WDPCP: variants seen among roughly 807,000 people sequenced by gnomAD.
WDPCP encodes the protein WD repeat containing planar cell polarity effector, also known as WD repeat-containing and planar cell polarity effector protein fritz homolog.
A neutral mutation model predicts 93.1 loss-of-function variants in WDPCP; 71 were observed. The observed-to-expected ratio is 0.76, with a 90% CI of 0.63 to 0.93. The LOEUF (loss-of-function observed/expected upper bound fraction) is 0.93, where lower values mean the gene tolerates loss of function less well. Ranked by LOEUF, WDPCP falls within the 40% of genes least tolerant of loss-of-function variation. The pLI is 0.00. For synonymous variants in WDPCP, 315 were observed against 315.0 expected, an observed-to-expected ratio of 1.00 and a Z score of 0.00; for missense variants, 844 against 887.4, an observed-to-expected ratio of 0.95 and a Z score of 0.62.
intron 1 of WDPCP, among the ~76,000 whole-genome samples, chr2:63,526,809 T>G (rs1396047706): frequency 6.6e-6 from 1 of 152,216 alleles, no homozygotes; most frequent in African/African-American, 2.4e-5. Context: ...TGGTTTTAAC[T>G]TTATTGAGCT....
At chr2:63,644,564 G>A (rs1710026394) in intron 3 of WDPCP, among the ~76,000 whole-genome samples, 1 of 152,094 alleles carries the variant, frequency 6.6e-6, no homozygotes, top group Admixed American at 6.6e-5. Flanking sequence ...TATTTTTTAG[G>A]ATAGTTTTAG....
intron 6 of WDPCP, among the ~76,000 whole-genome samples, chr2:63,454,526 TA>T (rs151241690): frequency 6.6e-6 from 1 of 151,426 alleles, no homozygotes; most frequent in Non-Finnish European, 1.5e-5. Flanking sequence ...AATAAAAAAA[TA>T]AAAAAATAAA....
At chr2:63,133,293 A>G (rs1670407040) in intron 17 of WDPCP, among the ~76,000 whole-genome samples, 1 of 152,144 alleles carries the variant, frequency 6.6e-6, no homozygotes, top group Non-Finnish European at 1.5e-5. Flanking sequence ...AGCCATGACT[A>G]CTGCTTCTCC....
intron 2 of WDPCP, among the ~76,000 whole-genome samples, chr2:63,758,090 G>C (rs1669995507): frequency 6.7e-6 from 1 of 148,738 alleles, no homozygotes; most frequent in Admixed American, 6.7e-5. Flanking sequence ...ATAAAGTGTT[G>C]TTGGTTTTTT....
intron 1 of WDPCP, among the ~76,000 whole-genome samples, chr2:63,515,907 C>A (rs1443438617): frequency 6.6e-6 from 1 of 151,850 alleles, no homozygotes; most frequent in Non-Finnish European, 1.5e-5. Context: ...GTAATCCCAG[C>A]TACTTGGGAG....
chr2:63,588,230 G>C lies in WDPCP; in HGVS notation c.42C>G (p.Ala14=). The change falls in exon 1 of 18, where the codon GCC becomes GCG. Residue 14 remains alanine, a synonymous_variant. Coordinates refer to ENST00000272321, the MANE Select transcript of WDPCP (RefSeq NM_015910.7). ...EFCWDAYSKA[A]GSRASSPLPR... ...GGAGTGGGGAAGAAGCGCGACTCCCGGCCGCTTTGGAGTAGGCGTCCCAGC... is the reference window on the plus strand; with the variant it reads ...GGAGTGGGGAAGAAGCGCGACTCCCCGCCGCTTTGGAGTAGGCGTCCCAGC... 6.3e-7 allele frequency: 1 copy of C among 1,576,802 alleles called. No individual in the cohort carries two copies. The highest frequency in any genetic ancestry group is 8.6e-7 in the Non-Finnish European group (1 of 1,158,792).
At chr2:63,507,637 G>A (rs977992398) in intron 1 of WDPCP, among the ~76,000 whole-genome samples, 3 of 152,054 alleles carry the variant, frequency 2.0e-5, no homozygotes, top group South Asian at 2.1e-4. Context: ...AAACTCCACC[G>A]AGCTAAAGGG....
intron 1 of WDPCP, among the ~76,000 whole-genome samples, chr2:63,568,630 T>C (rs1324464281): frequency 6.6e-6 from 1 of 152,246 alleles, no homozygotes. Flanking sequence ...CCTACTGCTG[T>C]GTCCAGTTTC....
rs1249029639 is a variant in WDPCP, at chr2:63,599,152, GC to G, written n.488+51506del. 4.3e-6 allele frequency: 7 copies of G among 1,611,884 alleles called. No individual in the cohort carries two copies. The Middle Eastern group carries it at 4.9e-4, about 114-fold the overall frequency. On this transcript the variant is annotated intron_variant and non_coding_transcript_variant, in intron 3 of 4. Transcript: ENST00000467687. ...ACTATATAGTCTGTAACTCTTCAGT[GC>G]CTTCCATTCCTCCTAGGTTATTGTT...
intron 1 of WDPCP, among the ~76,000 whole-genome samples, chr2:63,541,168 T>C (rs113718254): frequency 3.3e-5 from 5 of 152,144 alleles, no homozygotes; most frequent in Non-Finnish European, 7.4e-5. Context: ...AGATAGGTTT[T>C]TGCCGTGTTG....
chr2:63,677,493 A>G (rs760142068), intron 2 of WDPCP, among the ~76,000 whole-genome samples: 1 of 152,160 alleles, frequency 6.6e-6, no homozygotes, highest in Admixed American at 6.5e-5. Context: ...AAAAAGTACA[A>G]AGAAAACCAT....
At chr2:63,260,750 A>C (rs919829727) in intron 13 of WDPCP, among the ~76,000 whole-genome samples, 2 of 152,160 alleles carry the variant, frequency 1.3e-5, no homozygotes, top group East Asian at 3.9e-4. Flanking sequence ...GGGTTTCACC[A>C]TGATGATCAG....
chr2:63,607,530 G>A (rs889064604), intron 3 of WDPCP, among the ~76,000 whole-genome samples: 1 of 150,738 alleles, frequency 6.6e-6, no homozygotes, highest in South Asian at 2.1e-4. Flanking sequence ...GGGAAACTCC[G>A]TCTCAAAAAA....
chr2:63,810,669 T>G (rs1169752059), intron 2 of WDPCP, among the ~76,000 whole-genome samples: 1 of 152,216 alleles, frequency 6.6e-6, no homozygotes, highest in Non-Finnish European at 1.5e-5. Context: ...TCTCACATGT[T>G]ATACTTGGGA....
At chr2:63,535,592 C>T (rs998398037) in intron 1 of WDPCP, among the ~76,000 whole-genome samples, 5 of 152,064 alleles carry the variant, frequency 3.3e-5, no homozygotes, top group African/African-American at 7.2e-5. Context: ...ACAAACCTGA[C>T]AAAAACAAGA....
At chr2:63,369,306 G>C (rs761792405) in intron 12 of WDPCP, 14 of 425,510 alleles carry the variant, frequency 3.3e-5, no homozygotes, top group Admixed American at 2.7e-5. Context: ...AAACTAAAGA[G>C]AGCCAAGCTT....
At chr2:63,668,222 C>G (rs1414424068) in intron 2 of WDPCP, among the ~76,000 whole-genome samples, 1 of 152,148 alleles carries the variant, frequency 6.6e-6, no homozygotes, top group Non-Finnish European at 1.5e-5. Context: ...CTGTCCCTGG[C>G]CATCTCTCCC....
At chr2:63,823,733 T>A (rs1341440266) in intron 1 of WDPCP, among the ~76,000 whole-genome samples, 2 of 152,164 alleles carry the variant, frequency 1.3e-5, no homozygotes, top group African/African-American at 4.8e-5. Context: ...GATATTTTGA[T>A]AACCAAATTT....
At chr2:63,787,959 G>A (rs1010916235) in intron 2 of WDPCP, among the ~76,000 whole-genome samples, 5 of 152,102 alleles carry the variant, frequency 3.3e-5, no homozygotes, top group African/African-American at 7.2e-5. Context: ...AGAATGGCTT[G>A]AACTGGGAGG....
Sources: allele counts gnomAD v4.1 joint callset (sites outside exome capture counted in the v4.1 genomes callset), GRCh38; gene constraint gnomAD v4.1.1; transcripts MANE v1.5; gene names NCBI Gene and HGNC (gene_info 2026-07-23, HGNC 2026-07-21).